The following PRKG1 variants were observed in gnomAD, a reference collection of about 807,000 sequenced individuals.
PRKG1 encodes the protein protein kinase cGMP-dependent 1.
In PRKG1, 35 loss-of-function variants were observed where a neutral mutation model predicts 88.1. That is an observed-to-expected ratio of 0.40 (90% confidence interval 0.30 to 0.53). The LOEUF (loss-of-function observed/expected upper bound fraction) is 0.53, where lower values mean the gene tolerates loss of function less well. Ranked by LOEUF, PRKG1 falls within the 20% of genes least tolerant of loss-of-function variation. The pLI is 0.59. For synonymous variants in PRKG1, 303 were observed against 292.5 expected (o/e 1.04, Z -0.37); for missense variants, 540 against 839.8 (o/e 0.64, Z 4.41).
chr10:51,499,543 T>C (rs1361160258), intron 3 of PRKG1, among the ~76,000 whole-genome samples: 1 of 152,174 alleles, frequency 6.6e-6, no homozygotes, highest in East Asian at 1.9e-4. Flanking sequence ...CCAAATTCAC[T>C]TATCCACAGC....
At chr10:51,750,525 CTGGGTACACTG>C (rs1231026269) in intron 3 of PRKG1, among the ~76,000 whole-genome samples, 1 of 152,066 alleles carries the variant, frequency 6.6e-6, no homozygotes, top group African/African-American at 2.4e-5. Flanking sequence ...GAGCTAGCTG[CTGGGTACACTG>C]TGGGAAAAAA....
intron 2 of PRKG1, among the ~76,000 whole-genome samples, chr10:51,411,581 A>G (rs1425390154): frequency 3.3e-5 from 5 of 152,120 alleles, no homozygotes; most frequent in Admixed American, 1.3e-4. Context: ...TTCCTCTAAG[A>G]CTCAGCATCA....
At chr10:52,099,324 C>T (rs574624171) in intron 7 of PRKG1, among the ~76,000 whole-genome samples, 22 of 152,154 alleles carry the variant, frequency 1.4e-4, no homozygotes, top group African/African-American at 5.3e-4. Context: ...CCAAAGTGTC[C>T]TGAAAGAGAG....
chr10:52,158,949 T>C (rs912086973), intron 8 of PRKG1, among the ~76,000 whole-genome samples: 3 of 151,564 alleles, frequency 2.0e-5, no homozygotes, highest in African/African-American at 7.2e-5. Context: ...ACTAAAATAT[T>C]GCTTAAGGAG....
chr10:52,098,162 A>G (rs1010781974), intron 7 of PRKG1, among the ~76,000 whole-genome samples: 1 of 152,210 alleles, frequency 6.6e-6, no homozygotes, highest in East Asian at 1.9e-4. Context: ...CTGAAGCAAT[A>G]ATCATTTCTA....
intron 2 of PRKG1, among the ~76,000 whole-genome samples, chr10:51,314,890 C>A (rs147210690): frequency 6.6e-6 from 1 of 152,198 alleles, no homozygotes; most frequent in Non-Finnish European, 1.5e-5. Context: ...GCAATTCTAA[C>A]TGTATGTCTC....
chr10:51,231,119 A>G (rs1564647702), intron 2 of PRKG1, among the ~76,000 whole-genome samples: 2 of 152,202 alleles, frequency 1.3e-5, no homozygotes, highest in African/African-American at 4.8e-5. Flanking sequence ...TTCAGGAGGT[A>G]AAAAGACTCT....
At chr10:51,986,043 GC>G (rs1844149264) in intron 5 of PRKG1, among the ~76,000 whole-genome samples, 4 of 152,166 alleles carry the variant, frequency 2.6e-5, no homozygotes, top group African/African-American at 7.2e-5. Flanking sequence ...ACCGGTGACA[GC>G]ATGGCTGACT....
intron 1 of PRKG1, among the ~76,000 whole-genome samples, chr10:51,149,700 T>C (rs1403194884): frequency 6.6e-6 from 1 of 152,164 alleles, no homozygotes; most frequent in Non-Finnish European, 1.5e-5. Context: ...AAATACTCTA[T>C]ATCCAGTATT....
At chr10:51,383,832 C>G (rs1837180480) in intron 2 of PRKG1, among the ~76,000 whole-genome samples, 1 of 152,160 alleles carries the variant, frequency 6.6e-6, no homozygotes, top group African/African-American at 2.4e-5. Context: ...ATTATCAACT[C>G]TTTTTAATGA....
chr10:52,132,302 A>C (rs1258537141), intron 7 of PRKG1, among the ~76,000 whole-genome samples: 1 of 152,044 alleles, frequency 6.6e-6, no homozygotes, highest in Non-Finnish European at 1.5e-5. Context: ...TTTAAAGTCT[A>C]TATGAAATAA....
At chr10:52,033,707 A>G (rs185716917) in intron 5 of PRKG1, among the ~76,000 whole-genome samples, 16 of 152,262 alleles carry the variant, frequency 1.1e-4, no homozygotes, top group African/African-American at 3.1e-4. Context: ...AAAGTAGTGC[A>G]GGAGTGTTTC....
intron 2 of PRKG1, among the ~76,000 whole-genome samples, chr10:51,191,536 A>G (rs1427409193): frequency 6.6e-6 from 1 of 151,830 alleles, no homozygotes; most frequent in Non-Finnish European, 1.5e-5. Flanking sequence ...TTGTTTTCTA[A>G]CTGTCAAAGT....
rs1337692529 is a variant in PRKG1 at position 52,257,085 on chromosome 10, G to T, written c.1173+5419G>T. On this transcript the variant is annotated intron_variant, in intron 10 of 17. Coordinates refer to ENST00000373980, the MANE Select transcript of PRKG1 (RefSeq NM_006258.4). ...GGGCATAATAAAGACCTGGCTCTTG[G>T]CAAGTTGAATACAAAAGTTACCTCT... Among the ~76,000 whole-genome samples, 3 of 139,316 alleles carry T rather than the reference G, an allele frequency of 2.2e-5. No homozygotes were observed. The Admixed American group carries it at 2.3e-4, about 11-fold the overall frequency. The allele number at this position is 139,316 out of a possible 152,430, so 91.4% of individuals were successfully genotyped here.
chr10:51,460,685 T>C (rs932815633), intron 2 of PRKG1, among the ~76,000 whole-genome samples: 1 of 152,184 alleles, frequency 6.6e-6, no homozygotes, highest in Non-Finnish European at 1.5e-5. Flanking sequence ...GGAATCATGA[T>C]GCTGGGGAAG....
At chr10:51,645,398 A>G (rs1372428473) in intron 3 of PRKG1, among the ~76,000 whole-genome samples, 2 of 152,224 alleles carry the variant, frequency 1.3e-5, no homozygotes, top group Non-Finnish European at 1.5e-5. Context: ...TCATATTTGA[A>G]CTACAAATAA....
At chr10:51,928,059 T>G (rs1337520690) in intron 5 of PRKG1, among the ~76,000 whole-genome samples, 1 of 152,142 alleles carries the variant, frequency 6.6e-6, no homozygotes, top group Non-Finnish European at 1.5e-5. Flanking sequence ...ATGAGAAACT[T>G]CCTTACTGAA....
chr10:52,134,808 A>G (rs1837360856), intron 8 of PRKG1, among the ~76,000 whole-genome samples: 1 of 152,114 alleles, frequency 6.6e-6, no homozygotes, highest in Non-Finnish European at 1.5e-5. Flanking sequence ...GAGAAATTCT[A>G]CCTGATTTAC....
At chr10:51,047,340 T>G (rs915302661) in intron 1 of PRKG1, among the ~76,000 whole-genome samples, 1 of 152,212 alleles carries the variant, frequency 6.6e-6, no homozygotes, top group Non-Finnish European at 1.5e-5. Flanking sequence ...TCTGTACTTA[T>G]GAGGTTTTTG....
Sources: allele counts gnomAD v4.1 joint callset (sites outside exome capture counted in the v4.1 genomes callset), GRCh38; gene constraint gnomAD v4.1.1; transcripts MANE v1.5; gene names NCBI Gene and HGNC (gene_info 2026-07-23, HGNC 2026-07-21).